The following FILIP1 variants were observed in gnomAD, a reference collection of about 807,000 sequenced individuals.
FILIP1 encodes the protein filamin-A-interacting protein 1.
Under a neutral mutation model 102.1 loss-of-function variants are expected in FILIP1, and 61 were observed. The observed-to-expected ratio is 0.60, with a 90% confidence interval of 0.49 to 0.74. FILIP1 has a LOEUF of 0.74. Ranked by LOEUF, FILIP1 falls within the 30% of genes least tolerant of loss-of-function variation. The pLI is 0.00. For synonymous variants in FILIP1, 491 were observed against 526.9 expected, an observed-to-expected ratio of 0.93 and a Z score of 0.93; for missense variants, 1,314 against 1,441.2, an observed-to-expected ratio of 0.91 and a Z score of 1.43.
intron 4 of FILIP1, among the ~76,000 whole-genome samples, chr6:75,346,113 G>A (rs1774572905): frequency 6.6e-6 from 1 of 152,112 alleles, no homozygotes; most frequent in Non-Finnish European, 1.5e-5. Flanking sequence ...GAGTTTATAA[G>A]GTACAGAGTC....
intron 4 of FILIP1, among the ~76,000 whole-genome samples, chr6:75,344,057 G>T (rs1315427697): frequency 6.6e-6 from 1 of 152,158 alleles, no homozygotes; most frequent in Non-Finnish European, 1.5e-5. Context: ...AATGCTTATG[G>T]CCCAGTGCTT....
At chr6:75,339,011 G>C (rs1359287997) in intron 4 of FILIP1, among the ~76,000 whole-genome samples, 1 of 152,160 alleles carries the variant, frequency 6.6e-6, no homozygotes, top group Admixed American at 6.5e-5. Context: ...CTGACATAAA[G>C]AACATCTGTT....
intron 4 of FILIP1, among the ~76,000 whole-genome samples, chr6:75,343,306 T>C (rs767389012): frequency 2.0e-5 from 3 of 152,186 alleles, no homozygotes; most frequent in South Asian, 2.1e-4. Flanking sequence ...AAAGAGTCTA[T>C]AGTGTTTTGT....
chr6:75,481,472 C>T (rs1041661808), intron 1 of FILIP1, among the ~76,000 whole-genome samples: 3 of 152,162 alleles, frequency 2.0e-5, no homozygotes, highest in Admixed American at 2.0e-4. Flanking sequence ...CACAGCTAAC[C>T]TGTTCCTGAT....
intron 2 of FILIP1, among the ~76,000 whole-genome samples, chr6:75,404,488 G>T (rs567873845): frequency 6.6e-6 from 1 of 152,002 alleles, no homozygotes. Context: ...TCCTTTACAC[G>T]CAGGCTTCTA....
chr6:75,451,468 A>G (rs985365910), intron 1 of FILIP1, among the ~76,000 whole-genome samples: 2 of 152,080 alleles, frequency 1.3e-5, no homozygotes, highest in Non-Finnish European at 2.9e-5. Flanking sequence ...AACCTCATAC[A>G]TATATCAAAG....
chr6:75,415,302 A>G (rs1392992292), intron 1 of FILIP1, among the ~76,000 whole-genome samples: 1 of 152,042 alleles, frequency 6.6e-6, no homozygotes, highest in African/African-American at 2.4e-5. Context: ...ATCCTAATGG[A>G]GATGTCAATT....
intron 2 of FILIP1, among the ~76,000 whole-genome samples, chr6:75,366,906 G>A (rs975715273): frequency 6.6e-6 from 1 of 152,122 alleles, no homozygotes; most frequent in Non-Finnish European, 1.5e-5. Flanking sequence ...TTCCTTGTCT[G>A]TAAAGTGGGG....
At chr6:75,479,628 G>A (rs1039211093) in intron 1 of FILIP1, among the ~76,000 whole-genome samples, 1 of 151,594 alleles carries the variant, frequency 6.6e-6, no homozygotes, top group African/African-American at 2.4e-5. Flanking sequence ...CAGCACTTTG[G>A]GAGGCCATAG....
chr6:75,298,306 G>T (rs11961252), intron 6 of FILIP1, among the ~76,000 whole-genome samples: 3,999 of 152,224 alleles, frequency 0.026, 195 homozygotes, highest in African/African-American at 0.091. Context: ...AGAAATACTT[G>T]ATAATGCTAA....
chr6:75,471,092 G>A (rs1168802041), intron 1 of FILIP1, among the ~76,000 whole-genome samples: 1 of 149,326 alleles, frequency 6.7e-6, no homozygotes, highest in East Asian at 2.0e-4. Flanking sequence ...CCCGGGAGGT[G>A]GAGGTTGCAG....
At chr6:75,358,222 C>T (rs1174389220) in intron 3 of FILIP1, 2 of 152,074 alleles carry the variant, frequency 1.3e-5, no homozygotes, top group Non-Finnish European at 2.9e-5. Flanking sequence ...ACTCTGTTAC[C>T]TGCAAAGGGC....
chr6:75,377,868 T>C (rs893778382), intron 2 of FILIP1, among the ~76,000 whole-genome samples: 20 of 152,358 alleles, frequency 1.3e-4, no homozygotes, highest in African/African-American at 4.6e-4. Context: ...TTCACAAAAT[T>C]TCTGTCAAAT....
At chr6:75,431,733 T>C (rs186447192) in intron 1 of FILIP1, among the ~76,000 whole-genome samples, 156 of 152,296 alleles carry the variant, frequency 1.0e-3, no homozygotes, top group Non-Finnish European at 1.7e-3. Flanking sequence ...CCTGCAGTAT[T>C]GGACTCCTGG....
intron 1 of FILIP1, among the ~76,000 whole-genome samples, chr6:75,416,696 TACG>T (rs1319989454): frequency 3.9e-5 from 6 of 152,172 alleles, no homozygotes; most frequent in Non-Finnish European, 7.4e-5. Flanking sequence ...TGTGATTCTG[TACG>T]ACTTCATACC....
downstream of FILIP1, among the ~76,000 whole-genome samples, chr6:75,306,959 C>T (rs1773005561): frequency 6.6e-6 from 1 of 152,098 alleles, no homozygotes; most frequent in Non-Finnish European, 1.5e-5. Context: ...CCCACCCCCA[C>T]ACTCGGCTAA....
chr6:75,434,039 T>G (rs940476960), intron 1 of FILIP1, among the ~76,000 whole-genome samples: 1 of 152,178 alleles, frequency 6.6e-6, no homozygotes, highest in Non-Finnish European at 1.5e-5. Context: ...TTCTGTTCCA[T>G]TGGTCTCTAT....
At chr6:75,388,104 T>C (rs2149652385) in intron 2 of FILIP1, among the ~76,000 whole-genome samples, 1 of 152,332 alleles carries the variant, frequency 6.6e-6, no homozygotes, top group Non-Finnish European at 1.5e-5. Flanking sequence ...TGCATATGGC[T>C]AGCCCGTTTT....
At chr6:75,380,022 C>T (rs986611319) in intron 2 of FILIP1, among the ~76,000 whole-genome samples, 2 of 152,008 alleles carry the variant, frequency 1.3e-5, no homozygotes, top group Non-Finnish European at 2.9e-5. Context: ...TATGCTTTAT[C>T]CCCAATGCCT....
Sources: allele counts gnomAD v4.1 joint callset (sites outside exome capture counted in the v4.1 genomes callset), GRCh38; gene constraint gnomAD v4.1.1; transcripts MANE v1.5; gene names NCBI Gene and HGNC (gene_info 2026-07-23, HGNC 2026-07-21).